Variants in PAX2 observed in about 807,000 individuals in gnomAD.
PAX2 encodes paired box protein Pax-2.
A neutral mutation model predicts 41.7 loss-of-function variants in PAX2; 9 were observed. The observed-to-expected ratio is 0.22, with a 90% CI of 0.13 to 0.38. PAX2 has a LOEUF of 0.38. PAX2 is among the 10% of genes least tolerant of loss of function. The pLI is 1.00. For missense variants in PAX2, 418 were observed against 531.6 expected, an observed-to-expected ratio of 0.79 and a Z score of 2.10; for synonymous variants, 221 against 212.7, an observed-to-expected ratio of 1.04 and a Z score of -0.34.
chr10:100,742,915 CTG>C (rs1161794665), upstream of PAX2, among the ~76,000 whole-genome samples: 1 of 111,148 alleles, frequency 9.0e-6, no homozygotes. Context: ...CTCTACTAGA[CTG>C]TATAGAAGAA....
At chr10:100,818,316 G>A (rs79513438) in intron 7 of PAX2, among the ~76,000 whole-genome samples, 418 of 152,258 alleles carry the variant, frequency 2.7e-3, no homozygotes, top group Admixed American at 6.0e-3. Context: ...TGCTTCTTTC[G>A]TGGCTTCCTT....
chr10:100,827,636 A>T lies in PAX2; in HGVS notation c.*17A>T, dbSNP rs1326092723. ...CGCCACTAGTTACCGCGGGGACCACATCAAGCTTCAGGCCGACAGCTTCGG... is the reference window on the plus strand; with the variant it reads ...CGCCACTAGTTACCGCGGGGACCACTTCAAGCTTCAGGCCGACAGCTTCGG... On this transcript the variant is annotated 3_prime_UTR_variant, in exon 10 of 10. Coordinates refer to ENST00000355243, the MANE Select transcript of PAX2 (RefSeq NM_000278.5). This position sits in a 1 kb window ranked among gnomAD's most constrained non-coding sequence, Gnocchi z 8.5. 6.2e-7 allele frequency: 1 copy of T among 1,613,756 alleles called. No individual in the cohort carries two copies. The highest frequency in any genetic ancestry group is 1.7e-5 in the Admixed American group (1 of 60,022).
At position 100,772,045 on chromosome 10, in the gene PAX2, T is replaced by A. The variant is rs555851028; in HGVS notation, c.411-7453T>A. On this transcript the variant is annotated intron_variant, in intron 3 of 9. Transcript: ENST00000355243. Reference sequence around the variant, plus strand: ...TGGTCTTGAACTTCCGACCTCATGATTCACTTGCCTCGGCCTCCCAAAGTG... The same window carrying A: ...TGGTCTTGAACTTCCGACCTCATGAATCACTTGCCTCGGCCTCCCAAAGTG... 5.3e-4 allele frequency among the ~76,000 whole-genome samples: 81 copies of A among 151,612 alleles called. 1 individual carries two copies. The South Asian group carries it at 0.017, about 31-fold the overall frequency.
At chr10:100,738,577 A>C (rs1414231729) in intron 1 of PAX2, among the ~76,000 whole-genome samples, 9 of 152,092 alleles carry the variant, frequency 5.9e-5, no homozygotes, top group Non-Finnish European at 1.3e-4. Flanking sequence ...AATTCTCCTT[A>C]ATTGATTCAG....
chr10:100,745,399 C>G (rs1845114935), upstream of PAX2, among the ~76,000 whole-genome samples: 1 of 151,572 alleles, frequency 6.6e-6, no homozygotes, highest in South Asian at 2.1e-4. Context: ...TAGCCGGCAC[C>G]GGAGTGACAG....
At chr10:100,762,885 A>G (rs1404471099) in intron 3 of PAX2, among the ~76,000 whole-genome samples, 1 of 152,224 alleles carries the variant, frequency 6.6e-6, no homozygotes, top group Non-Finnish European at 1.5e-5. Flanking sequence ...TGGTCGCACC[A>G]TGGGCAAGCT....
intron 1 of PAX2, among the ~76,000 whole-genome samples, chr10:100,739,516 C>T (rs952349131): frequency 3.3e-5 from 5 of 152,164 alleles, no homozygotes; most frequent in African/African-American, 7.2e-5. Context: ...AGCGCGGGTC[C>T]TCCCGCCCCT....
chr10:100,735,573 G>T, exon 1 of PAX2: 1 of 704,964 alleles, frequency 1.4e-6, no homozygotes, highest in South Asian at 6.6e-5. Flanking sequence ...CGGGTTATCT[G>T]AGCCGCTTGG....
chr10:100,747,807 A>G (rs1845254627), intron 1 of PAX2: 1 of 984,496 alleles, frequency 1.0e-6, no homozygotes, highest in South Asian at 4.7e-5. Flanking sequence ...TTTCGGGAGG[A>G]GTGGAACCGG....
chr10:100,827,559 T>A lies in PAX2; in HGVS notation c.1125T>A (p.Tyr375Ter). ...AACTTCCAGGTTCCCCTTATTATTA[T>A]AGTGCCGCCCCCCGGGGCTCCGCCC... ...NPALLSSPYY[Y>*]SAAPRGSAPA... is the part of the protein sequence containing the mutation. Residue 375 changes from tyrosine to a stop codon, truncating the protein, a stop_gained, in exon 10 of 10, where the codon TAT becomes TAA. Transcript: ENST00000355243. LOFTEE classifies it high-confidence loss of function. The surrounding 1 kb of genome is among the most constrained non-coding windows in gnomAD (Gnocchi z 8.5). 6.2e-7 allele frequency: 1 copy of A among 1,613,938 alleles called. No homozygotes were observed. The highest frequency in any genetic ancestry group is 1.3e-5 in the African/African-American group (1 of 75,064).
rs761133461 is a variant in PAX2, at chr10:100,809,227, G to A, written c.910G>A (p.Val304Ile). 2.0e-5 allele frequency: 33 copies of A among 1,613,664 alleles called. No individual in the cohort carries two copies. The South Asian group carries it at 3.4e-4, about 17-fold the overall frequency. ...CGTGTCAGGCACACAGACATACCCAGTTGTGACTGGTAAGGGGGCTTCCAG... is the reference window on the plus strand; with the variant it reads ...CGTGTCAGGCACACAGACATACCCAATTGTGACTGGTAAGGGGGCTTCCAG... ...SNVSGTQTYP[V>I]VTGRDMASTT... The change falls in exon 7 of 10, where the codon GTT (valine) becomes ATT (isoleucine). Residue 304 changes from valine to isoleucine, a missense_variant. Physicochemically the swap from Val to Ile is conservative, Grantham distance 29. This residue lies in a region of PAX2 where 310 missense variants were observed against 325.2 expected (regional missense o/e 0.95). Coordinates refer to ENST00000355243, the MANE Select transcript of PAX2 (RefSeq NM_000278.5).
intron 7 of PAX2, among the ~76,000 whole-genome samples, chr10:100,823,699 G>A (rs1041344301): frequency 6.6e-6 from 1 of 152,134 alleles, no homozygotes; most frequent in Non-Finnish European, 1.5e-5. Flanking sequence ...TTATGGCAGA[G>A]GGGAGAAAGC....
chr10:100,749,989 C>A (rs1244205525), intron 2 of PAX2, 75 bp downstream of exon 2: 6 of 1,532,662 alleles, frequency 3.9e-6, no homozygotes, highest in Non-Finnish European at 5.3e-6. Context: ...AGCTGGAGGA[C>A]GTGGCTAAAA....
intron 5 of PAX2, among the ~76,000 whole-genome samples, chr10:100,790,126 GTT>G (rs1173261355): frequency 6.6e-6 from 1 of 152,172 alleles, no homozygotes; most frequent in African/African-American, 2.4e-5. Context: ...ATTCCATCTG[GTT>G]GTTTGGGGAA....
intron 8 of PAX2, among the ~76,000 whole-genome samples, chr10:100,825,964 G>T (rs1313211068): frequency 6.6e-6 from 1 of 151,832 alleles, no homozygotes; most frequent in African/African-American, 2.4e-5. Flanking sequence ...AGAGTGGGGA[G>T]GTGGGGGCAG....
At position 100,809,253 on chromosome 10, in the gene PAX2, G is replaced by A. The variant is rs1378785022; in HGVS notation, c.919+17G>A. 1.9e-6 allele frequency: 3 copies of A among 1,611,552 alleles called. No individual in the cohort carries two copies. In the African/African-American group the frequency reaches 4.0e-5, roughly 22 times the overall value. On this transcript the variant is annotated intron_variant, in intron 7 of 9. Coordinates refer to ENST00000355243, the MANE Select transcript of PAX2 (RefSeq NM_000278.5). ...TTGTGACTGGTAAGGGGGCTTCCAGGAGGGTGGGGGCACTGCGTTCAGTGG... is the reference window on the plus strand; with the variant it reads ...TTGTGACTGGTAAGGGGGCTTCCAGAAGGGTGGGGGCACTGCGTTCAGTGG...
At chr10:100,745,098 G>A (rs1348429200), upstream of PAX2, among the ~76,000 whole-genome samples, 1 of 152,096 alleles carries the variant, frequency 6.6e-6, no homozygotes, top group Non-Finnish European at 1.5e-5. Context: ...GGGCCGCGCG[G>A]CCCAGGCGGG....
chr10:100,799,894 C>G (rs74613012), intron 5 of PAX2, among the ~76,000 whole-genome samples: 1 of 150,826 alleles, frequency 6.6e-6, no homozygotes, highest in Admixed American at 6.6e-5. Context: ...AAGCGATTCT[C>G]CTGCCTCAGG....
intron 1 of PAX2, chr10:100,747,287 C>T (rs1269752267): frequency 6.6e-6 from 1 of 151,248 alleles, no homozygotes; most frequent in Non-Finnish European, 1.5e-5. Flanking sequence ...AAAGCAAATG[C>T]CAAAGCTGAG....
Sources: gnomAD v4.1 joint callset for allele counts (sites outside exome capture counted in the v4.1 genomes callset) on GRCh38, gnomAD v4.1.1 for gene constraint, gnomAD v4.1.1 regional missense constraint, Gnocchi (gnomAD v3.1) non-coding constraint, MANE v1.5 for transcripts, NCBI Gene and HGNC (gene_info 2026-07-23, HGNC 2026-07-21) for gene names.